Variants in CCDC39 observed in about 807,000 individuals in gnomAD.
CCDC39 encodes the protein coiled-coil domain 39 molecular ruler complex subunit.
A neutral mutation model predicts 121.0 loss-of-function variants in CCDC39; 113 were observed. That is an observed-to-expected ratio of 0.93 (90% CI 0.80 to 1.09). The LOEUF (loss-of-function observed/expected upper bound fraction) is 1.09. Ranked by LOEUF, CCDC39 falls within the 50% of genes least tolerant of loss-of-function variation. The pLI, the probability that CCDC39 is intolerant of heterozygous loss-of-function variation, is 0.00. For synonymous variants in CCDC39, 349 were observed against 352.2 expected (o/e 0.99, Z 0.10); for missense variants, 1,063 against 1,074.7 (o/e 0.99, Z 0.15).
rs1472519086 is a variant in CCDC39, at chr3:180,648,182, C to A, written c.1345G>T (p.Glu449Ter). 2 of 1,612,818 alleles carry A rather than the reference C, an allele frequency of 1.2e-6. No individual in the cohort carries two copies. The highest frequency in any genetic ancestry group is 1.7e-6 in the Non-Finnish European group (2 of 1,179,200). ...ACATCTACCTGGCTGTACATAATTTCTTGCTGCTTCAAGGTTTCAAAATCC... is the reference window on the plus strand; with the variant it reads ...ACATCTACCTGGCTGTACATAATTTATTGCTGCTTCAAGGTTTCAAAATCC... ...KLDFETLKQQEIMYSQDFHIQ... is the reference protein window; with the variant it reads ...KLDFETLKQQ The change falls in exon 10 of 20, where the codon GAA becomes TAA. Residue 449 changes from glutamate to a stop codon, truncating the protein, a stop_gained. Transcript: ENST00000476379. LOFTEE classifies it high-confidence loss of function.
At chr3:180,667,232 G>T (rs918552313) in intron 1 of CCDC39, among the ~76,000 whole-genome samples, 1 of 152,124 alleles carries the variant, frequency 6.6e-6, no homozygotes, top group Non-Finnish European at 1.5e-5. Context: ...GAGATTCAAA[G>T]ATTCAGAGTG....
chr3:180,662,095 A>C, intron 2 of CCDC39, 88 bp from the exon 3 acceptor site: 1 of 1,301,880 alleles, frequency 7.7e-7, no homozygotes, highest in Non-Finnish European at 1.0e-6. Context: ...AGATTAAAAC[A>C]AAGTTCCCAT....
intron 1 of CCDC39, among the ~76,000 whole-genome samples, chr3:180,678,211 G>A (rs1360722408): frequency 6.6e-6 from 1 of 152,068 alleles, no homozygotes; most frequent in African/African-American, 2.4e-5. Flanking sequence ...TTAATTCCTC[G>A]GTACTCAGTG....
At chr3:180,650,099 C>T (rs2338435) in intron 9 of CCDC39, among the ~76,000 whole-genome samples, 2 of 151,920 alleles carry the variant, frequency 1.3e-5, no homozygotes, top group African/African-American at 2.4e-5. Flanking sequence ...TTCAACCCCC[C>T]CAAACGAGTA....
chr3:180,618,360 C>T (rs1394823797), intron 16 of CCDC39, among the ~76,000 whole-genome samples: 1 of 151,946 alleles, frequency 6.6e-6, no homozygotes, highest in Non-Finnish European at 1.5e-5. Flanking sequence ...CACAGTATCT[C>T]TTCTGCTTTA....
chr3:180,656,926 T>C (rs916325166), intron 6 of CCDC39, among the ~76,000 whole-genome samples: 6 of 152,206 alleles, frequency 3.9e-5, no homozygotes, highest in Non-Finnish European at 7.3e-5. Context: ...TTGTTTAGCA[T>C]ATAATCAAGA....
chr3:180,672,038 T>C (rs534113613), intron 1 of CCDC39, among the ~76,000 whole-genome samples: 1 of 152,260 alleles, frequency 6.6e-6, no homozygotes, highest in South Asian at 2.1e-4. Context: ...TATAGCTCAA[T>C]AGGAGAAGTC....
chr3:180,654,968 AAT>A lies in CCDC39; in HGVS notation c.739-17_739-16del. ...CTTGCTAATTCCTAGGATTAAAACA[AAT>A]ATGTTTACTTAAATATATGTTTAAA... On this transcript the variant is annotated splice_polypyrimidine_tract_variant and intron_variant, in intron 6 of 19. Transcript: ENST00000476379. 6.9e-7 allele frequency: 1 copy of A among 1,448,512 alleles called. No individual in the cohort carries two copies. Among genetic ancestry groups the A allele is most frequent in the Non-Finnish European group, 9.2e-7 (1 of 1,086,586 alleles). 89.7% of individuals were successfully genotyped at this position (1,448,512 alleles called of 1,614,324 possible).
At chr3:180,663,104 T>C (rs1194417286) in intron 2 of CCDC39, among the ~76,000 whole-genome samples, 1 of 152,166 alleles carries the variant, frequency 6.6e-6, no homozygotes, top group Non-Finnish European at 1.5e-5. Flanking sequence ...TCCCCAGTTA[T>C]CTTAAATAAA....
chr3:180,638,078 T>A (rs571360356), intron 13 of CCDC39, among the ~76,000 whole-genome samples: 8 of 152,056 alleles, frequency 5.3e-5, no homozygotes, highest in African/African-American at 1.9e-4. Flanking sequence ...GAACCAAAGA[T>A]AAAAAAATTT....
In CCDC39 at chr3:180,614,917, A is replaced by G; in HGVS notation, c.*4T>C. The G allele has an allele frequency of 6.4e-7, 1 of 1,554,920 alleles. No homozygotes were observed. Among genetic ancestry groups the G allele is most frequent in the Non-Finnish European group, 8.7e-7 (1 of 1,148,410 alleles). ...TACAACTTTTTCAGAAGAGATTAAA[A>G]TGTTTATTTGCTGCTCTTTTTGCTC... On this transcript the variant is annotated 3_prime_UTR_variant, in exon 20 of 20. Coordinates refer to ENST00000476379, the MANE Select transcript of CCDC39 (RefSeq NM_181426.2).
At position 180,616,905 on chromosome 3, in the gene CCDC39, G is replaced by T; in HGVS notation, c.2327C>A (p.Ser776Ter). The T allele has an allele frequency of 6.4e-7, 1 of 1,563,606 alleles. No individual in the cohort carries two copies. ...HLANNVKEKL[S>*]EKQAYSFQLS... ...TTGAAATGAATAAGCCTGCTTCTCT[G>T]ATAACTTTTCTTTAACATTATTTGC... Residue 776 changes from serine to a stop codon, truncating the protein, a stop_gained, in exon 17 of 20, where the codon TCA becomes TAA. Transcript: ENST00000476379. LOFTEE classifies it high-confidence loss of function.
chr3:180,659,572 C>G lies in CCDC39; in HGVS notation c.618G>C (p.Leu206Phe), dbSNP rs1048916587. 10 of 1,612,130 alleles carry G rather than the reference C, an allele frequency of 6.2e-6. No individual in the cohort carries two copies. The highest frequency in any genetic ancestry group is 8.5e-6 in the Non-Finnish European group (10 of 1,179,152). ...LTETISAQLELDKAAQDFRKI... is the reference protein window; with the variant it reads ...LTETISAQLEFDKAAQDFRKI... ...TACGAAAATCTTGTGCTGCTTTATC[C>G]AATTCTAACTGTCAAACAGAGAGCA... Residue 206 changes from leucine to phenylalanine, a missense_variant, in exon 6 of 20, where the codon TTG becomes TTC. By Grantham distance (22) the Leu-to-Phe change is conservative. Coordinates refer to ENST00000476379, the MANE Select transcript of CCDC39 (RefSeq NM_181426.2).
Position 180,642,054 on chromosome 3 carries a change from C to A in CCDC39, c.1813G>T (p.Val605Phe). ...TGTGACGCAAGCATTGTTTTATGAA[C>A]CTTGATTTCTTCAGTTCGCTCTTCC... The part of the protein sequence containing the change: ...AMEERTEEIK[V>F]HKTMLASQIR... Residue 605 changes from valine to phenylalanine, a missense_variant, in exon 13 of 20, where the codon GTT becomes TTT. Physicochemically the swap from Val to Phe is conservative, Grantham distance 50 (BLOSUM62 -1). Transcript: ENST00000476379. 1.2e-6 allele frequency: 2 copies of A among 1,610,250 alleles called. No individual in the cohort carries two copies. Among genetic ancestry groups the A allele is most frequent in the Non-Finnish European group, 1.7e-6 (2 of 1,177,882 alleles).
At position 180,661,858 on chromosome 3, in the gene CCDC39, T is replaced by C. The variant is rs771540834; in HGVS notation, c.357+3A>G. 2 of 1,576,634 alleles carry C rather than the reference T, an allele frequency of 1.3e-6. No homozygotes were observed. Among genetic ancestry groups the C allele is most frequent in the South Asian group, 1.2e-5 (1 of 86,088 alleles). On this transcript the variant is annotated splice_donor_region_variant and intron_variant, in intron 3 of 19. Transcript: ENST00000476379. ...GAATTTTAAGTAATATTTCAACATA[T>C]ACTTCTTTATCACTTTTCTTTTCCA...
chr3:180,641,266 G>C (rs1717949278), intron 13 of CCDC39, among the ~76,000 whole-genome samples: 1 of 151,970 alleles, frequency 6.6e-6, no homozygotes, highest in East Asian at 1.9e-4. Flanking sequence ...AAAATAGATA[G>C]GAGCTCAATG....
At chr3:180,651,190 C>T (rs1718198892) in intron 9 of CCDC39, among the ~76,000 whole-genome samples, 1 of 149,912 alleles carries the variant, frequency 6.7e-6, no homozygotes, top group Admixed American at 6.6e-5. Flanking sequence ...AGCCAGACTT[C>T]ATCACAAAAA....
chr3:180,662,995 T>C (rs1315206383), intron 2 of CCDC39, among the ~76,000 whole-genome samples: 1 of 152,122 alleles, frequency 6.6e-6, no homozygotes, highest in African/African-American at 2.4e-5. Context: ...CATTAGGGAG[T>C]GAGTTTCTAC....
intron 19 of CCDC39, among the ~76,000 whole-genome samples, chr3:180,615,964 G>A (rs911309753): frequency 1.3e-5 from 2 of 152,086 alleles, no homozygotes; most frequent in Non-Finnish European, 2.9e-5. Flanking sequence ...CCCAACTTGG[G>A]GGTTCACCCC....
Sources: gnomAD v4.1 joint callset for allele counts (sites outside exome capture counted in the v4.1 genomes callset) on GRCh38, gnomAD v4.1.1 for gene constraint, MANE v1.5 for transcripts, NCBI Gene and HGNC (gene_info 2026-07-23, HGNC 2026-07-21) for gene names.